Variants in EPG5 observed in about 807,000 individuals in gnomAD.
The protein encoded by EPG5 is ectopic P granules protein 5 homolog.
In EPG5, 159 loss-of-function variants were observed where a neutral mutation model predicts 302.7. The observed-to-expected ratio is 0.53, with a 90% CI of 0.46 to 0.60. The LOEUF (loss-of-function observed/expected upper bound fraction) is 0.60. Ranked by LOEUF, EPG5 falls within the 20% of genes least tolerant of loss-of-function variation. The pLI is 0.00. For missense variants in EPG5, 2,896 were observed against 3,092.4 expected (o/e 0.94, Z 1.51); for synonymous variants, 1,158 against 1,136.8 (o/e 1.02, Z -0.37).
the EPG5 span, among the ~76,000 whole-genome samples, chr18:45,834,078 T>C: frequency 2.0e-5 from 3 of 152,222 alleles, no homozygotes; most frequent in African/African-American, 7.2e-5. Context: ...TTTGCTCTGC[T>C]GTTCCCTTTG....
At chr18:45,895,002 G>A (rs925121563) in intron 27 of EPG5, among the ~76,000 whole-genome samples, 3 of 152,166 alleles carry the variant, frequency 2.0e-5, no homozygotes, top group African/African-American at 7.2e-5. Flanking sequence ...TCTAATTAAT[G>A]CAACAGGTCA....
Position 45,867,588 on chromosome 18 carries a change from T to C in EPG5, c.6386A>G (p.Lys2129Arg). The C allele has an allele frequency of 6.2e-7, 1 of 1,614,126 alleles. No individual in the cohort carries two copies. Among genetic ancestry groups the C allele is most frequent in the South Asian group, 1.1e-5 (1 of 91,068 alleles). ...CLLFMMILLA[K>R]EVQLVDQTDS... Reference sequence around the variant, plus strand: ...TGTTTGGTCTACCAGTTGAACTTCCTTTGCCAATAAAATCATCATGAAAAG... The same window carrying C: ...TGTTTGGTCTACCAGTTGAACTTCCCTTGCCAATAAAATCATCATGAAAAG... The change falls in exon 37 of 44, where the codon AAG becomes AGG. Residue 2129 changes from lysine (K) to arginine (R), a missense_variant. Around this residue, in one of 5 missense-constraint regions of EPG5, gnomAD observed 620 missense variants for 704.2 expected, o/e 0.88. Coordinates refer to ENST00000282041, the MANE Select transcript of EPG5 (RefSeq NM_020964.3).
intron 27 of EPG5, among the ~76,000 whole-genome samples, chr18:45,893,693 C>T (rs1211188317): frequency 6.6e-6 from 1 of 152,058 alleles, no homozygotes; most frequent in African/African-American, 2.4e-5. Flanking sequence ...TACTGCTTCC[C>T]AAGACTGAAT....
chr18:45,858,382 A>T (rs1382957477), intron 41 of EPG5, among the ~76,000 whole-genome samples, 184 bp downstream of exon 41: 1 of 152,244 alleles, frequency 6.6e-6, no homozygotes, highest in East Asian at 1.9e-4. Flanking sequence ...TTTAGGAAAC[A>T]AAAAATCTGC....
chr18:45,867,416 G>C (rs906352289), intron 37 of EPG5, 147 bp downstream of exon 37: 3 of 679,550 alleles, frequency 4.4e-6, no homozygotes, highest in South Asian at 1.9e-5. Context: ...AGAAAATCAG[G>C]CATCTGGTTA....
chr18:45,943,673 G>A (rs2050721626), intron 8 of EPG5, among the ~76,000 whole-genome samples: 4 of 152,182 alleles, frequency 2.6e-5, no homozygotes, highest in Non-Finnish European at 4.4e-5. Context: ...TGTAATCCCA[G>A]CACTTTGGGA....
chr18:45,888,487 TAG>T (rs1333873119), intron 28 of EPG5, among the ~76,000 whole-genome samples: 10 of 152,084 alleles, frequency 6.6e-5, no homozygotes, highest in Non-Finnish European at 8.8e-5. Context: ...TGTATTTTTG[TAG>T]AGACGGGGTT....
At chr18:45,812,279 A>G in the EPG5 span, among the ~76,000 whole-genome samples, 104 of 152,358 alleles carry the variant, frequency 6.8e-4, 2 homozygotes, top group East Asian at 0.019. Context: ...GACACAAACA[A>G]ATGGAAGAAC....
intron 41 of EPG5, 146 bp from the exon 42 acceptor site, chr18:45,858,214 G>A: frequency 1.5e-6 from 1 of 651,048 alleles, no homozygotes. Context: ...TAGAGCCATG[G>A]GATTGTAACC....
At position 45,943,210 on chromosome 18, in the gene EPG5, T is replaced by C. The variant is rs765831533; in HGVS notation, c.1894A>G (p.Asn632Asp). Residue 632 changes from asparagine to aspartate, a missense_variant, in exon 9 of 44, where the codon AAT becomes GAT. Around this residue, in one of 5 missense-constraint regions of EPG5, gnomAD observed 1,390 missense variants for 1,430.0 expected, o/e 0.97. Transcript: ENST00000282041. ...ELLAVGLETFNRARYRQFVKR... is the reference protein window; with the variant it reads ...ELLAVGLETFDRARYRQFVKR... ...ACAAACTGCCTATAGCGTGCTCTAT[T>C]AAAGGTTTCTAACCCCACAGCCAGA... 3.7e-5 allele frequency: 59 copies of C among 1,614,064 alleles called. 1 individual carries two copies. The South Asian group carries it at 6.1e-4, about 17-fold the overall frequency.
At chr18:45,868,830 T>C (rs370512658) in intron 36 of EPG5, among the ~76,000 whole-genome samples, 33 of 151,666 alleles carry the variant, frequency 2.2e-4, no homozygotes, top group East Asian at 1.8e-3. Context: ...CCAAGGCAGG[T>C]GGATCACAAG....
intron 5 of EPG5, 22 bp from the exon 6 acceptor site, chr18:45,948,598 G>A (rs758656008): frequency 6.3e-7 from 1 of 1,591,442 alleles, no homozygotes; most frequent in South Asian, 1.1e-5. Flanking sequence ...AAAGCAAAAA[G>A]CATACTGTAG....
At chr18:45,885,513 G>A (rs1028023021) in intron 29 of EPG5, among the ~76,000 whole-genome samples, 2 of 152,016 alleles carry the variant, frequency 1.3e-5, no homozygotes, top group South Asian at 2.1e-4. Context: ...ATTTTACTGA[G>A]AGTTATATTT....
At chr18:45,840,300 A>AG in the EPG5 span, 1 of 1,548,074 alleles carries the variant, frequency 6.5e-7, no homozygotes, top group Non-Finnish European at 8.8e-7. Flanking sequence ...CTCATCACCC[A>AG]GGGGGTCCAG....
chr18:45,874,898 G>A lies in EPG5; in HGVS notation c.6049+1338C>T, dbSNP rs184540223. ...AAACAGATGCTGAAACCAGCCAACC[G>A]AGGACTATTTGCCTGCTGAGTTTTA... On this transcript the variant is annotated intron_variant, in intron 35 of 43. Transcript: ENST00000282041. Among the ~76,000 whole-genome samples, 139 of 152,338 alleles carry A rather than the reference G, an allele frequency of 9.1e-4. 1 individual carries two copies. Among genetic ancestry groups the A allele is most frequent in the African/African-American group, 2.1e-3 (88 of 41,572 alleles).
chr18:45,894,161 CT>C (rs1323719461), intron 27 of EPG5, among the ~76,000 whole-genome samples: 1 of 151,952 alleles, frequency 6.6e-6, no homozygotes, highest in African/African-American at 2.4e-5. Flanking sequence ...CAGAGGTGTA[CT>C]AAAAAAATTA....
intron 8 of EPG5, among the ~76,000 whole-genome samples, chr18:45,943,664 G>A (rs2050721533): frequency 6.6e-6 from 1 of 152,200 alleles, no homozygotes; most frequent in South Asian, 2.1e-4. Context: ...GCTCACGCCT[G>A]TAATCCCAGC....
At chr18:45,961,855 T>TC (rs2051155550) in intron 1 of EPG5, among the ~76,000 whole-genome samples, 1 of 112,274 alleles carries the variant, frequency 8.9e-6, no homozygotes, top group Non-Finnish European at 1.8e-5. Context: ...TGAGACTCTG[T>TC]CCCAAAAAAA....
At chr18:45,960,032 C>T (rs2051115227) in intron 1 of EPG5, among the ~76,000 whole-genome samples, 1 of 152,002 alleles carries the variant, frequency 6.6e-6, no homozygotes, top group Non-Finnish European at 1.5e-5. Flanking sequence ...CACGTGTAAT[C>T]CCAGCACTTT....
Sources: gnomAD v4.1 joint callset for allele counts (sites outside exome capture counted in the v4.1 genomes callset) on GRCh38, gnomAD v4.1.1 for gene constraint, gnomAD v4.1.1 regional missense constraint, MANE v1.5 for transcripts, NCBI Gene and HGNC (gene_info 2026-07-23, HGNC 2026-07-21) for gene names.